Variants in SPATA16 observed in about 807,000 individuals in gnomAD.
SPATA16 encodes spermatogenesis-associated protein 16.
SPATA16 carries 36 observed loss-of-function variants against 63.3 expected under a neutral mutation model. That is an observed-to-expected ratio of 0.57 (90% CI 0.44 to 0.75). SPATA16 has a LOEUF of 0.75. SPATA16 is among the 30% of genes least tolerant of loss of function. SPATA16 has a pLI of 0.00. For missense variants in SPATA16, 646 were observed against 679.3 expected (o/e 0.95, Z 0.54); for synonymous variants, 203 against 216.7 (o/e 0.94, Z 0.56).
At chr3:172,896,423 G>A (rs1560059987) in intron 10 of SPATA16, among the ~76,000 whole-genome samples, 1 of 152,026 alleles carries the variant, frequency 6.6e-6, no homozygotes, top group Non-Finnish European at 1.5e-5. Context: ...GAGTTTCATC[G>A]TGTTAGCCAG....
chr3:172,984,191 T>G (rs1283644830), intron 4 of SPATA16, among the ~76,000 whole-genome samples: 1 of 152,306 alleles, frequency 6.6e-6, no homozygotes. Context: ...GGTAGCCCCA[T>G]GTGGCTAGTG....
chr3:173,057,264 G>A (rs1243543637), intron 2 of SPATA16, among the ~76,000 whole-genome samples: 5 of 151,616 alleles, frequency 3.3e-5, no homozygotes, highest in Admixed American at 2.0e-4. Flanking sequence ...GGTGCCCGCC[G>A]CCACGCCTGG....
At chr3:173,056,927 T>C (rs1736245438) in intron 2 of SPATA16, among the ~76,000 whole-genome samples, 1 of 152,004 alleles carries the variant, frequency 6.6e-6, no homozygotes, top group Admixed American at 6.6e-5. Context: ...TTTTTTCTTT[T>C]TATAACTCAA....
intron 10 of SPATA16, among the ~76,000 whole-genome samples, chr3:172,900,904 G>C (rs1732114836): frequency 6.6e-6 from 1 of 152,040 alleles, no homozygotes; most frequent in African/African-American, 2.4e-5. Flanking sequence ...TCCTCCCAAA[G>C]TGCTGGGATT....
rs561302044 is a variant in SPATA16, at chr3:172,938,304, T to C, written c.1082-12812A>G. Among the ~76,000 whole-genome samples the C allele has an allele frequency of 1.8e-4, 27 of 152,334 alleles. No homozygotes were observed. In the East Asian group the frequency reaches 5.0e-3, roughly 28 times the overall value. On this transcript the variant is annotated intron_variant, in intron 6 of 10. Coordinates refer to ENST00000351008, the MANE Select transcript of SPATA16 (RefSeq NM_031955.6). ...CGTGATTTGGAAATTGTTAAGTGGTTATTAAGAAATGGGGTGAATACAGCA... is the reference window on the plus strand; with the variant it reads ...CGTGATTTGGAAATTGTTAAGTGGTCATTAAGAAATGGGGTGAATACAGCA...
At chr3:173,003,418 C>A (rs910230104) in intron 4 of SPATA16, among the ~76,000 whole-genome samples, 1 of 152,178 alleles carries the variant, frequency 6.6e-6, no homozygotes, top group Admixed American at 6.5e-5. Context: ...ATACCCTTAT[C>A]ATCCTTTCAT....
At chr3:172,940,515 G>A (rs1733120156) in intron 6 of SPATA16, among the ~76,000 whole-genome samples, 1 of 152,112 alleles carries the variant, frequency 6.6e-6, no homozygotes, top group South Asian at 2.1e-4. Context: ...TATAAAACGT[G>A]TGTAAAGTAC....
At chr3:173,084,693 G>T (rs1377511481) in intron 2 of SPATA16, among the ~76,000 whole-genome samples, 3 of 152,132 alleles carry the variant, frequency 2.0e-5, no homozygotes, top group Admixed American at 2.0e-4. Context: ...GTTAATTTTT[G>T]TGTAAGGTGT....
At chr3:172,911,219 A>G (rs563878999) in intron 10 of SPATA16, among the ~76,000 whole-genome samples, 1 of 152,320 alleles carries the variant, frequency 6.6e-6, no homozygotes, top group South Asian at 2.1e-4. Context: ...GTTGCAAACT[A>G]CATCCATTAC....
intron 10 of SPATA16, among the ~76,000 whole-genome samples, chr3:172,891,852 T>C (rs1002436841): frequency 6.6e-6 from 1 of 152,178 alleles, no homozygotes; most frequent in Non-Finnish European, 1.5e-5. Context: ...CCAGGCCAAG[T>C]TGGTTGTCTC....
intron 4 of SPATA16, among the ~76,000 whole-genome samples, chr3:172,991,574 T>C (rs758504030): frequency 1.3e-5 from 2 of 152,240 alleles, no homozygotes; most frequent in Non-Finnish European, 2.9e-5. Context: ...ATTTATCTGA[T>C]GCAATCCATA....
intron 2 of SPATA16, among the ~76,000 whole-genome samples, chr3:173,054,103 T>C (rs1736161303): frequency 6.6e-6 from 1 of 151,918 alleles, no homozygotes; most frequent in Admixed American, 6.6e-5. Flanking sequence ...TTATTACATG[T>C]TACAATTATA....
Position 172,916,446 on chromosome 3 carries a change from C to T in SPATA16, c.1374G>A (p.Lys458=), listed in dbSNP as rs1356327526. The part of the protein sequence containing the change: ...SFPASSGVME[K]LQYASLLSQL... The stretch of plus-strand genomic sequence containing the variant: ...GGCTGAGGAGGCTGGCATATTGCAA[C>T]TTCTCCATCACACCTGAGGATGCAG... Residue 458 remains lysine (K), a synonymous_variant, in exon 9 of 11, where the codon AAG becomes AAA. Coordinates refer to ENST00000351008, the MANE Select transcript of SPATA16 (RefSeq NM_031955.6). 6 of 1,613,838 alleles carry T rather than the reference C, an allele frequency of 3.7e-6. No individual in the cohort carries two copies. The highest frequency in any genetic ancestry group is 5.1e-6 in the Non-Finnish European group (6 of 1,179,782).
At chr3:173,084,953 A>T (rs1008040060) in intron 2 of SPATA16, among the ~76,000 whole-genome samples, 3 of 152,150 alleles carry the variant, frequency 2.0e-5, no homozygotes, top group Non-Finnish European at 4.4e-5. Context: ...GGATAGCGTG[A>T]TGCCTCCAAC....
intron 4 of SPATA16, among the ~76,000 whole-genome samples, chr3:172,984,736 G>A (rs1163889735): frequency 1.3e-5 from 2 of 152,084 alleles, no homozygotes; most frequent in East Asian, 3.9e-4. Context: ...AGTAATTGAT[G>A]GGAATTTTTC....
chr3:172,991,753 A>G (rs929624109), intron 4 of SPATA16, among the ~76,000 whole-genome samples: 1 of 152,238 alleles, frequency 6.6e-6, no homozygotes, highest in Admixed American at 6.5e-5. Context: ...GAAAGTTTCT[A>G]TACACAGTTC....
chr3:172,993,791 C>G (rs752976569), intron 4 of SPATA16, among the ~76,000 whole-genome samples: 3 of 152,098 alleles, frequency 2.0e-5, no homozygotes, highest in Non-Finnish European at 4.4e-5. Flanking sequence ...AGATGCTAAC[C>G]TCTTTGTACC....
At chr3:172,958,273 T>C (rs1733648836) in intron 5 of SPATA16, among the ~76,000 whole-genome samples, 1 of 152,152 alleles carries the variant, frequency 6.6e-6, no homozygotes, top group South Asian at 2.1e-4. Flanking sequence ...CTAATGGGGA[T>C]AATGCAGGCA....
rs142166881 is a variant in SPATA16, at chr3:173,041,420, T to C, written c.758+7529A>G. Among the ~76,000 whole-genome samples, 842 of 152,242 alleles carry C rather than the reference T, an allele frequency of 5.5e-3. 5 individuals are homozygous for C. The highest frequency in any genetic ancestry group is 0.018 in the African/African-American group (759 of 41,536). ...TCTTTTAAGAGTTGATGAAAATGAG[T>C]ATGGATAATGTAATGTCTTTCAGAA... On this transcript the variant is annotated intron_variant, in intron 3 of 10. Transcript: ENST00000351008.
Sources: allele counts gnomAD v4.1 joint callset (sites outside exome capture counted in the v4.1 genomes callset), GRCh38; gene constraint gnomAD v4.1.1; transcripts MANE v1.5; gene names NCBI Gene and HGNC (gene_info 2026-07-23, HGNC 2026-07-21).